SLC35F4: variants seen among roughly 807,000 people sequenced by gnomAD.
SLC35F4 encodes solute carrier family 35 member F4.
In SLC35F4, 24 loss-of-function variants were observed where a neutral mutation model predicts 44.2. That is an observed-to-expected ratio of 0.54 (90% CI 0.39 to 0.76). The LOEUF is 0.76. Ranked by LOEUF, SLC35F4 falls within the 30% of genes least tolerant of loss-of-function variation. The pLI, the probability that SLC35F4 is intolerant of heterozygous loss-of-function variation, is 0.00. For synonymous variants in SLC35F4, 238 were observed against 223.6 expected, an observed-to-expected ratio of 1.06 and a Z score of -0.57; for missense variants, 562 against 586.1, an observed-to-expected ratio of 0.96 and a Z score of 0.42.
rs373999894 is a variant in SLC35F4, at chr14:57,903,717, G to A, written n.282+78196C>T. ...AGATTTATTAACAAAAGTCTAAAGT[G>A]CAATAGCAAGAAATCTAGAAATCTC... On this transcript the variant is annotated intron_variant and non_coding_transcript_variant, in intron 1 of 1. Coordinates refer to the SLC35F4 transcript ENST00000556568. Among the ~76,000 whole-genome samples the A allele has an allele frequency of 3.3e-4, 50 of 152,296 alleles. No individual in the cohort carries two copies. In the East Asian group the frequency reaches 8.3e-3, roughly 25 times the overall value.
chr14:57,885,438 TATA>T (rs1888626316), intron 1 of SLC35F4, among the ~76,000 whole-genome samples: 2 of 152,208 alleles, frequency 1.3e-5, no homozygotes, highest in South Asian at 4.1e-4. Context: ...ATAACAGAAC[TATA>T]ATACGTGCAG....
intron 1 of SLC35F4, among the ~76,000 whole-genome samples, chr14:57,833,798 T>C (rs771191505): frequency 3.9e-5 from 6 of 152,250 alleles, no homozygotes; most frequent in Non-Finnish European, 8.8e-5. Context: ...ACTGCAACTT[T>C]AGTGCATCTC....
intron 2 of SLC35F4, among the ~76,000 whole-genome samples, chr14:57,591,794 A>T (rs2070199426): frequency 6.6e-6 from 1 of 152,210 alleles, no homozygotes; most frequent in South Asian, 2.1e-4. Flanking sequence ...AGAAAGGTGT[A>T]CCCTACTACA....
intron 1 of SLC35F4, among the ~76,000 whole-genome samples, chr14:57,935,336 T>G (rs1001201064): frequency 3.9e-5 from 6 of 152,210 alleles, no homozygotes; most frequent in African/African-American, 1.4e-4. Flanking sequence ...TCCCTAACAG[T>G]AAGAGGTTCT....
intron 1 of SLC35F4, among the ~76,000 whole-genome samples, chr14:57,677,083 A>G (rs2074719442): frequency 1.3e-5 from 2 of 152,144 alleles, no homozygotes; most frequent in African/African-American, 4.8e-5. Context: ...ACTTAGCCAT[A>G]AAAAGGAGCA....
chr14:57,583,917 T>C (rs1345378652), intron 3 of SLC35F4, among the ~76,000 whole-genome samples: 6 of 152,214 alleles, frequency 3.9e-5, no homozygotes, highest in Non-Finnish European at 8.8e-5. Flanking sequence ...CAAGTGGCAT[T>C]GACAGGTGGT....
chr14:57,594,838 T>C (rs2070399765), intron 1 of SLC35F4, among the ~76,000 whole-genome samples: 1 of 152,188 alleles, frequency 6.6e-6, no homozygotes, highest in Non-Finnish European at 1.5e-5. Context: ...GTGTTACAGA[T>C]GAAAATCATC....
At chr14:57,859,767 C>T (rs1303862572) in intron 1 of SLC35F4, among the ~76,000 whole-genome samples, 1 of 152,098 alleles carries the variant, frequency 6.6e-6, no homozygotes, top group East Asian at 1.9e-4. Context: ...TGGGGTAAAA[C>T]GCACAGGATT....
intron 1 of SLC35F4, among the ~76,000 whole-genome samples, chr14:57,838,579 G>C (rs1376941424): frequency 6.6e-6 from 1 of 152,098 alleles, no homozygotes; most frequent in Non-Finnish European, 1.5e-5. Context: ...TTTAAATACA[G>C]TCTAGCTGAG....
chr14:57,572,350 TAGGA>T (rs1263772613), intron 4 of SLC35F4, among the ~76,000 whole-genome samples: 1 of 152,190 alleles, frequency 6.6e-6, no homozygotes, highest in Non-Finnish European at 1.5e-5. Flanking sequence ...ATAAATTTAA[TAGGA>T]AGTCACTTCT....
downstream of SLC35F4, among the ~76,000 whole-genome samples, chr14:57,976,197 C>T (rs190129019): frequency 6.6e-6 from 1 of 152,272 alleles, no homozygotes; most frequent in East Asian, 1.9e-4. Context: ...ATAAATATTC[C>T]TGCTAAACCT....
intron 1 of SLC35F4, among the ~76,000 whole-genome samples, chr14:57,703,352 A>G (rs1166934082): frequency 6.6e-6 from 1 of 152,204 alleles, no homozygotes; most frequent in African/African-American, 2.4e-5. Flanking sequence ...GACAAATGAC[A>G]ATTTGCAAGT....
chr14:57,743,889 G>T (rs2076688261), intron 1 of SLC35F4, among the ~76,000 whole-genome samples: 1 of 152,132 alleles, frequency 6.6e-6, no homozygotes, highest in South Asian at 2.1e-4. Context: ...GATCAAGTGG[G>T]CTTCATCCCT....
chr14:57,682,638 G>GGAA (rs1555371426), intron 1 of SLC35F4, among the ~76,000 whole-genome samples: 1 of 148,406 alleles, frequency 6.7e-6, no homozygotes, highest in Non-Finnish European at 1.5e-5. Flanking sequence ...AAAGTATAAT[G>GGAA]AAAAAAAAAA....
chr14:57,930,588 T>C (rs1241523893), intron 1 of SLC35F4, among the ~76,000 whole-genome samples: 5 of 152,164 alleles, frequency 3.3e-5, no homozygotes, highest in African/African-American at 1.2e-4. Context: ...CCCAGATAAA[T>C]GTTTGGGTTT....
intron 1 of SLC35F4, among the ~76,000 whole-genome samples, chr14:57,740,016 T>C (rs553172623): frequency 1.3e-5 from 2 of 152,232 alleles, no homozygotes; most frequent in South Asian, 4.2e-4. Context: ...TGGACCACCA[T>C]GACTGGATAA....
At chr14:57,695,564 C>T (rs1252239806) in intron 1 of SLC35F4, among the ~76,000 whole-genome samples, 1 of 151,504 alleles carries the variant, frequency 6.6e-6, no homozygotes, top group Admixed American at 6.6e-5. Flanking sequence ...CACTTTTACA[C>T]TGTTGGTGGG....
intron 1 of SLC35F4, among the ~76,000 whole-genome samples, chr14:57,652,017 C>G (rs538569806): frequency 6.6e-6 from 1 of 152,150 alleles, no homozygotes; most frequent in African/African-American, 2.4e-5. Flanking sequence ...TGGAGGCATC[C>G]TAGGGTACCT....
At chr14:57,702,062 G>A (rs1309787970) in intron 1 of SLC35F4, among the ~76,000 whole-genome samples, 1 of 152,144 alleles carries the variant, frequency 6.6e-6, no homozygotes, top group African/African-American at 2.4e-5. Flanking sequence ...TTGGAAAACA[G>A]GATGCTTCAA....
Sources: allele counts gnomAD v4.1 joint callset (sites outside exome capture counted in the v4.1 genomes callset), GRCh38; gene constraint gnomAD v4.1.1; transcripts MANE v1.5; gene names NCBI Gene and HGNC (gene_info 2026-07-23, HGNC 2026-07-21).